The following RGS6 variants were observed in gnomAD, a reference collection of about 807,000 sequenced individuals.
RGS6 encodes regulator of G protein signaling 6, also known as regulator of G-protein signaling 6.
In RGS6, 30 loss-of-function variants were observed where a neutral mutation model predicts 78.5. The observed-to-expected ratio is 0.38, with a 90% CI of 0.29 to 0.52. The LOEUF (loss-of-function observed/expected upper bound fraction) is 0.52, where lower values mean the gene tolerates loss of function less well. Among genes scored for constraint, RGS6 ranks in the 20% least tolerant of loss-of-function variants. The pLI is 0.85. For missense variants in RGS6, 495 were observed against 609.7 expected (o/e 0.81, Z 1.98); for synonymous variants, 206 against 206.0 (o/e 1.00, Z 0.00).
At chr14:72,588,377 C>T in the RGS6 span, among the ~76,000 whole-genome samples, 2 of 152,144 alleles carry the variant, frequency 1.3e-5, no homozygotes, top group African/African-American at 4.8e-5. Flanking sequence ...CTGAGGACTC[C>T]CACCTCCACA....
At chr14:72,365,353 T>G (rs898919032) in intron 3 of RGS6, among the ~76,000 whole-genome samples, 10 of 152,144 alleles carry the variant, frequency 6.6e-5, no homozygotes, top group Non-Finnish European at 1.5e-4. Context: ...TGATATCCAG[T>G]TTTCCAGAAT....
chr14:72,323,190 G>A (rs2072592599), intron 2 of RGS6, among the ~76,000 whole-genome samples: 2 of 152,012 alleles, frequency 1.3e-5, no homozygotes, highest in African/African-American at 4.8e-5. Context: ...ATACACTTAG[G>A]TGATTGAGTA....
At chr14:72,519,742 A>G (rs2097006384) in intron 15 of RGS6, among the ~76,000 whole-genome samples, 1 of 152,166 alleles carries the variant, frequency 6.6e-6, no homozygotes, top group Admixed American at 6.5e-5. Context: ...GCTTATGTGT[A>G]TGTACGTATG....
In RGS6 at chr14:72,326,136, C is replaced by A. The variant is rs912225276; in HGVS notation, c.85-25959C>A. 3.3e-5 allele frequency among the ~76,000 whole-genome samples: 5 copies of A among 152,186 alleles called. No homozygotes were observed. The East Asian group carries it at 9.6e-4, about 29-fold the overall frequency. On this transcript the variant is annotated intron_variant, in intron 2 of 17. Transcript: ENST00000553525. ...TGCTTTGTCATATTGTTTGTGAGAA[C>A]CAAAGATTACAAACCACCAAATGCT...
At chr14:72,559,430 ATTAACCGCCTTCCAGTCTGAGCCTGC>A (rs1436723031) in intron 17 of RGS6, among the ~76,000 whole-genome samples, 25 of 152,238 alleles carry the variant, frequency 1.6e-4, no homozygotes, top group Non-Finnish European at 3.1e-4. Context: ...ATCCTGCATG[ATTAACCGCCTTCCAGTCTGAGCCTGC>A]CCTCACTCAC....
chr14:72,494,650 T>C (rs2096620668), intron 12 of RGS6, among the ~76,000 whole-genome samples: 1 of 152,180 alleles, frequency 6.6e-6, no homozygotes, highest in Non-Finnish European at 1.5e-5. Context: ...GAAAAGTTGC[T>C]TTTTTGGAAA....
At chr14:71,971,744 G>A (rs1391096374) in intron 2 of RGS6, among the ~76,000 whole-genome samples, 2 of 152,116 alleles carry the variant, frequency 1.3e-5, no homozygotes, top group Non-Finnish European at 2.9e-5. Flanking sequence ...CTCAGCTGGG[G>A]AAAAGTCTAC....
intron 2 of RGS6, among the ~76,000 whole-genome samples, chr14:72,250,405 A>AAAAAAC (rs1458022449): frequency 6.6e-6 from 1 of 151,388 alleles, no homozygotes; most frequent in South Asian, 2.1e-4. Context: ...CACCGAAAAA[A>AAAAAAC]AAAAAAAACC....
intron 17 of RGS6, among the ~76,000 whole-genome samples, chr14:72,550,059 C>T (rs537772996): frequency 6.6e-6 from 1 of 152,302 alleles, no homozygotes; most frequent in South Asian, 2.1e-4. Context: ...CTCTCTTGGG[C>T]TTCACCAGGG....
chr14:71,872,680 C>T, the RGS6 span, among the ~76,000 whole-genome samples: 1 of 152,090 alleles, frequency 6.6e-6, no homozygotes, highest in Non-Finnish European at 1.5e-5. Flanking sequence ...TTCTAGGGTA[C>T]ATGTGCACAA....
At chr14:71,883,345 C>A in the RGS6 span, among the ~76,000 whole-genome samples, 1 of 152,134 alleles carries the variant, frequency 6.6e-6, no homozygotes, top group Non-Finnish European at 1.5e-5. Flanking sequence ...AGGGACAGCC[C>A]CTATGTCCTG....
At chr14:72,560,839 T>TGTGTGTGTGTGTGTGTG (rs202222579) in intron 17 of RGS6, among the ~76,000 whole-genome samples, 1 of 142,490 alleles carries the variant, frequency 7.0e-6, no homozygotes, top group Non-Finnish European at 1.5e-5. Context: ...TGTGTGTGTG[T>TGTGTGTGTGTGTGTGTG]TTAAGATGGG....
At chr14:72,015,700 T>C (rs1255401405) in intron 2 of RGS6, among the ~76,000 whole-genome samples, 2 of 152,214 alleles carry the variant, frequency 1.3e-5, no homozygotes, top group Admixed American at 6.5e-5. Flanking sequence ...GTTGTAATTA[T>C]GCTTCCATTG....
chr14:72,244,901 A>T (rs1308621545), intron 2 of RGS6, among the ~76,000 whole-genome samples: 2 of 151,828 alleles, frequency 1.3e-5, no homozygotes, highest in Admixed American at 6.6e-5. Context: ...CTCAGCTCAC[A>T]GCAGCCTGCA....
At chr14:72,112,734 A>T (rs1597773708) in intron 2 of RGS6, among the ~76,000 whole-genome samples, 1 of 152,176 alleles carries the variant, frequency 6.6e-6, no homozygotes, top group South Asian at 2.1e-4. Context: ...CTTGCCAACC[A>T]GGTCACACAG....
rs771722303 is a variant in RGS6 at position 72,562,722 on chromosome 14, C to CCAA, written c.*258_*260dup. On this transcript the variant is annotated 3_prime_UTR_variant, in exon 18 of 18. Transcript: ENST00000553525. ...CCTCTCTTCTTTGTACAGTTGTATT[C>CCAA]CAACACTCCACTCGCTAAGAGGCCC... 151 of 1,536,046 alleles carry CCAA rather than the reference C, an allele frequency of 9.8e-5. 1 individual carries two copies. In the South Asian group the frequency reaches 1.7e-3, roughly 18 times the overall value.
chr14:72,562,620 G>T lies in RGS6; in HGVS notation c.*153G>T. The T allele has an allele frequency of 1.3e-6, 2 of 1,534,892 alleles. No homozygotes were observed. The highest frequency in any genetic ancestry group is 1.2e-5 in the South Asian group (1 of 84,162). On this transcript the variant is annotated 3_prime_UTR_variant, in exon 18 of 18. Transcript: ENST00000553525. The stretch of plus-strand genomic sequence containing the variant: ...ATGAAGGGCGATGGTGGGGAGACTC[G>T]GTGGGTGAATGGGGAGACCAGAAAG...
intron 1 of RGS6, among the ~76,000 whole-genome samples, chr14:71,937,779 C>T (rs926767225): frequency 2.0e-5 from 3 of 152,198 alleles, no homozygotes; most frequent in South Asian, 2.1e-4. Context: ...AACCCATATC[C>T]GGAGTAAATG....
intron 14 of RGS6, chr14:72,516,985 A>G (rs1271394932): frequency 6.6e-6 from 1 of 152,256 alleles, no homozygotes; most frequent in African/African-American, 2.4e-5. Context: ...GGAGCCCAGC[A>G]TTTGGGGACA....
Sources: gnomAD v4.1 joint callset for allele counts (sites outside exome capture counted in the v4.1 genomes callset) on GRCh38, gnomAD v4.1.1 for gene constraint, MANE v1.5 for transcripts, NCBI Gene and HGNC (gene_info 2026-07-23, HGNC 2026-07-21) for gene names.